The following ZNF521 variants were observed in gnomAD, a reference collection of about 807,000 sequenced individuals.
ZNF521 encodes the protein LYST-interacting protein 3.
Under a neutral mutation model 105.5 loss-of-function variants are expected in ZNF521, and 14 were observed. That is an observed-to-expected ratio of 0.13 (90% CI 0.09 to 0.21). The LOEUF (loss-of-function observed/expected upper bound fraction) is 0.21, where lower values mean the gene tolerates loss of function less well. ZNF521 is among the 10% of genes least tolerant of loss of function. The probability of loss-of-function intolerance (pLI) is 1.00; values close to 1 mark genes in which losing one functional copy is unlikely to be tolerated. For synonymous variants in ZNF521, 635 were observed against 606.0 expected (o/e 1.05, Z -0.70); for missense variants, 1,233 against 1,629.7 (o/e 0.76, Z 4.19).
chr18:25,161,357 T>C (rs1246522036), intron 5 of ZNF521, among the ~76,000 whole-genome samples: 1 of 152,094 alleles, frequency 6.6e-6, no homozygotes, highest in Non-Finnish European at 1.5e-5. Flanking sequence ...GAAAATCTCA[T>C]GGAAATCAAG....
chr18:25,240,684 G>A (rs896690390), intron 3 of ZNF521, among the ~76,000 whole-genome samples: 4 of 151,994 alleles, frequency 2.6e-5, no homozygotes, highest in Admixed American at 6.6e-5. Context: ...CATTGGAATC[G>A]TCCAAAGAGC....
intron 2 of ZNF521, among the ~76,000 whole-genome samples, chr18:25,322,625 A>G (rs1449761479): frequency 1.3e-5 from 2 of 151,716 alleles, no homozygotes; most frequent in Non-Finnish European, 2.9e-5. Context: ...TACCAGAATT[A>G]GCCAAAAGTC....
chr18:25,274,509 G>T (rs930137774), intron 3 of ZNF521, among the ~76,000 whole-genome samples: 1 of 152,100 alleles, frequency 6.6e-6, no homozygotes, highest in African/African-American at 2.4e-5. Flanking sequence ...AATGGCATAT[G>T]AATAAAATTT....
intron 5 of ZNF521, among the ~76,000 whole-genome samples, chr18:25,122,883 T>C (rs1316984742): frequency 1.3e-5 from 2 of 152,072 alleles, no homozygotes; most frequent in Non-Finnish European, 2.9e-5. Flanking sequence ...GCTTACAGAA[T>C]GGGACATGAA....
chr18:25,242,647 C>T (rs1009085918), intron 3 of ZNF521, among the ~76,000 whole-genome samples: 31 of 152,074 alleles, frequency 2.0e-4, no homozygotes, highest in Non-Finnish European at 3.1e-4. Flanking sequence ...AATTGGGAAA[C>T]AAATAAGGCC....
chr18:25,203,573 T>G (rs2036028469), intron 4 of ZNF521, among the ~76,000 whole-genome samples: 1 of 152,114 alleles, frequency 6.6e-6, no homozygotes, highest in African/African-American at 2.4e-5. Flanking sequence ...GCTGTGACCA[T>G]GCCATTGCAC....
chr18:25,339,021 C>T (rs1568087200), intron 2 of ZNF521, among the ~76,000 whole-genome samples: 1 of 152,140 alleles, frequency 6.6e-6, no homozygotes, highest in East Asian at 1.9e-4. Flanking sequence ...ATGAATGTAG[C>T]TGTAGGTAGT....
intron 5 of ZNF521, among the ~76,000 whole-genome samples, chr18:25,181,222 G>A (rs1272965192): frequency 6.6e-6 from 1 of 151,980 alleles, no homozygotes; most frequent in Non-Finnish European, 1.5e-5. Flanking sequence ...CTTCCTCTTC[G>A]CTTAGGTCTA....
intron 2 of ZNF521, among the ~76,000 whole-genome samples, chr18:25,346,085 A>G (rs1272918698): frequency 6.6e-6 from 1 of 152,186 alleles, no homozygotes; most frequent in African/African-American, 2.4e-5. Flanking sequence ...ACCTATCTAA[A>G]AATAATTTTG....
chr18:25,130,478 G>A (rs2034620057), intron 5 of ZNF521, among the ~76,000 whole-genome samples: 2 of 152,086 alleles, frequency 1.3e-5, no homozygotes, highest in Admixed American at 6.6e-5. Flanking sequence ...AATATAAACC[G>A]TGAACTTTAA....
chr18:25,348,063 T>TA (rs1216400876), intron 2 of ZNF521, among the ~76,000 whole-genome samples: 1 of 152,252 alleles, frequency 6.6e-6, no homozygotes, highest in African/African-American at 2.4e-5. Flanking sequence ...TCAGACTTTT[T>TA]ATCTTTTAAT....
chr18:25,155,019 G>T (rs1384641943), intron 5 of ZNF521, among the ~76,000 whole-genome samples: 5 of 152,114 alleles, frequency 3.3e-5, no homozygotes, highest in Admixed American at 1.3e-4. Flanking sequence ...ACAGACAAGG[G>T]TTTCCTTTTC....
chr18:25,320,918 G>A (rs965899939), intron 3 of ZNF521, among the ~76,000 whole-genome samples: 1 of 152,182 alleles, frequency 6.6e-6, no homozygotes, highest in Non-Finnish European at 1.5e-5. Flanking sequence ...TCTTTGAAGA[G>A]AAGAGCCACA....
chr18:25,271,693 G>A (rs1162392821), intron 3 of ZNF521, among the ~76,000 whole-genome samples: 5 of 152,198 alleles, frequency 3.3e-5, no homozygotes, highest in Non-Finnish European at 5.9e-5. Flanking sequence ...AATAAATGGT[G>A]TTGGGAAAAT....
At chr18:25,195,020 C>T (rs989727305) in intron 5 of ZNF521, 140 bp downstream of exon 5, 3 of 680,634 alleles carry the variant, frequency 4.4e-6, no homozygotes, top group Non-Finnish European at 7.1e-6. Flanking sequence ...GGACTAATAA[C>T]AGAAATTAAA....
Position 25,214,649 on chromosome 18 carries a change from T to C in ZNF521, c.3573+9696A>G, listed in dbSNP as rs578130404. Among the ~76,000 whole-genome samples, 9 of 152,318 alleles carry C rather than the reference T, an allele frequency of 5.9e-5. No homozygotes were observed. The South Asian group carries it at 1.9e-3, about 32-fold the overall frequency. On this transcript the variant is annotated intron_variant, in intron 4 of 7. Coordinates refer to ENST00000361524, the MANE Select transcript of ZNF521 (RefSeq NM_015461.3). ...TTATGCCTTCTTTGTTCAATGTATG[T>C]TTTAAACTTTAAAATGTATGATTTT...
chr18:25,132,380 C>G (rs1279395106), intron 5 of ZNF521, among the ~76,000 whole-genome samples: 1 of 152,168 alleles, frequency 6.6e-6, no homozygotes, highest in Non-Finnish European at 1.5e-5. Context: ...ACATGAGCAA[C>G]TGCACACTCC....
At chr18:25,171,245 G>A (rs1019380827) in intron 5 of ZNF521, among the ~76,000 whole-genome samples, 19 of 152,194 alleles carry the variant, frequency 1.2e-4, no homozygotes, top group East Asian at 1.9e-4. Context: ...TTACTGCATC[G>A]AAGACTTGCT....
intron 3 of ZNF521, among the ~76,000 whole-genome samples, chr18:25,283,438 C>T (rs1175751997): frequency 6.6e-6 from 1 of 152,186 alleles, no homozygotes; most frequent in East Asian, 1.9e-4. Flanking sequence ...AAGCTGAGGT[C>T]GGTCTCCAAT....
Sources: gnomAD v4.1 joint callset for allele counts (sites outside exome capture counted in the v4.1 genomes callset) on GRCh38, gnomAD v4.1.1 for gene constraint, MANE v1.5 for transcripts, NCBI Gene and HGNC (gene_info 2026-07-23, HGNC 2026-07-21) for gene names.